The following PHACTR3 variants were observed in gnomAD, a reference collection of about 807,000 sequenced individuals.
PHACTR3 encodes phosphatase and actin regulator 3.
PHACTR3 carries 16 observed loss-of-function variants against 66.8 expected under a neutral mutation model. The ratio of observed to expected loss-of-function variants is 0.24; its 90% confidence interval spans 0.16 to 0.36. The LOEUF (loss-of-function observed/expected upper bound fraction) is 0.36. Among genes scored for constraint, PHACTR3 ranks in the 10% least tolerant of loss-of-function variants. The probability of loss-of-function intolerance (pLI) is 1.00; values close to 1 mark genes in which losing one functional copy is unlikely to be tolerated. For missense variants in PHACTR3, 647 were observed against 719.9 expected (o/e 0.90, Z 1.16); for synonymous variants, 323 against 292.1 (o/e 1.11, Z -1.08).
At chr20:59,614,468 C>T (rs553382052) in intron 1 of PHACTR3, among the ~76,000 whole-genome samples, 2 of 152,126 alleles carry the variant, frequency 1.3e-5, no homozygotes, top group South Asian at 2.1e-4. Context: ...TAAAGCAAGT[C>T]GGTTGGATGG....
intron 1 of PHACTR3, among the ~76,000 whole-genome samples, chr20:59,683,726 C>T (rs557450649): frequency 6.6e-6 from 1 of 152,218 alleles, no homozygotes; most frequent in Admixed American, 6.5e-5. Context: ...GTCATAATAC[C>T]AAACTAAGAC....
Position 59,799,868 on chromosome 20 carries a change from T to C in PHACTR3, c.1175-6173T>C, listed in dbSNP as rs918049791. On this transcript the variant is annotated intron_variant, in intron 7 of 12. Transcript: ENST00000371015. ...TTTCTATTTGTTCCATCTAGTTTTT[T>C]CCATCTTTTCTATCTTTCTGCTTTC... is the stretch of plus-strand genomic sequence containing the variant. Among the ~76,000 whole-genome samples the C allele has an allele frequency of 5.3e-5, 8 of 152,190 alleles. No homozygotes were observed. The East Asian group carries it at 5.8e-4, about 11-fold the overall frequency.
chr20:59,761,322 T>C (rs975845725), intron 4 of PHACTR3, among the ~76,000 whole-genome samples: 1 of 152,080 alleles, frequency 6.6e-6, no homozygotes, highest in Non-Finnish European at 1.5e-5. Context: ...GCCTGGGCTC[T>C]GGGCAACTGC....
chr20:59,809,181 C>T (rs1412140397), intron 8 of PHACTR3, among the ~76,000 whole-genome samples: 7 of 152,062 alleles, frequency 4.6e-5, no homozygotes, highest in South Asian at 2.1e-4. Flanking sequence ...AGTGTTTTCA[C>T]GGTGGAGGGC....
intron 1 of PHACTR3, among the ~76,000 whole-genome samples, chr20:59,668,704 T>A (rs764668652): frequency 2.0e-5 from 3 of 151,994 alleles, no homozygotes; most frequent in Admixed American, 1.3e-4. Context: ...TTTTAAAAAA[T>A]TATTACTTAC....
chr20:59,797,449 C>A (rs1446728349), intron 7 of PHACTR3, among the ~76,000 whole-genome samples: 1 of 151,936 alleles, frequency 6.6e-6, no homozygotes, highest in Non-Finnish European at 1.5e-5. Flanking sequence ...TATTGTGGTA[C>A]AATCACCTCT....
chr20:59,826,023 G>A (rs1303765426), intron 8 of PHACTR3, among the ~76,000 whole-genome samples: 1 of 152,192 alleles, frequency 6.6e-6, no homozygotes. Context: ...GAATCTGCTG[G>A]CACCTCAACC....
intron 7 of PHACTR3, among the ~76,000 whole-genome samples, chr20:59,801,855 A>T (rs546417401): frequency 6.6e-6 from 1 of 152,360 alleles, no homozygotes; most frequent in South Asian, 2.1e-4. Context: ...TGTGCTTGAG[A>T]ACATGATAAA....
chr20:59,712,308 G>A (rs1392915787), intron 1 of PHACTR3, among the ~76,000 whole-genome samples: 2 of 152,082 alleles, frequency 1.3e-5, no homozygotes, highest in Non-Finnish European at 2.9e-5. Context: ...TTTTCCCATT[G>A]GCTTATGGTG....
chr20:59,762,609 T>C (rs1303020283), intron 4 of PHACTR3, among the ~76,000 whole-genome samples: 1 of 152,098 alleles, frequency 6.6e-6, no homozygotes, highest in Non-Finnish European at 1.5e-5. Context: ...GCAGATGTAG[T>C]TTGGATTGGC....
At chr20:59,847,073 A>G (rs1474441122) in intron 12 of PHACTR3, 42 bp from the exon 13 acceptor site, 2 of 1,414,808 alleles carry the variant, frequency 1.4e-6, no homozygotes, top group African/African-American at 2.8e-5. Flanking sequence ...AACTGCTAGA[A>G]ATGAATAACC....
At chr20:59,716,417 T>A (rs1174964264) in intron 1 of PHACTR3, among the ~76,000 whole-genome samples, 1 of 152,034 alleles carries the variant, frequency 6.6e-6, no homozygotes, top group Non-Finnish European at 1.5e-5. Flanking sequence ...CATACCTGTC[T>A]AATTTTCATA....
At position 59,771,241 on chromosome 20, in the gene PHACTR3, A is replaced by G. The variant is rs117849855; in HGVS notation, c.752-2038A>G. On this transcript the variant is annotated intron_variant, in intron 5 of 12. Coordinates refer to ENST00000371015, the MANE Select transcript of PHACTR3 (RefSeq NM_080672.5). ...ATTCCTTCCTCATGGGGCTGGGGTG[A>G]GAAGTAGAGGCAATGATGGTTAGAG... is the stretch of plus-strand genomic sequence containing the variant. Among the ~76,000 whole-genome samples the G allele has an allele frequency of 7.7e-3, 1,178 of 152,178 alleles. 10 individuals carry two copies. The highest frequency in any genetic ancestry group is 0.027 in the Middle Eastern group (8 of 294).
chr20:59,675,394 G>A (rs1293218888), intron 1 of PHACTR3, among the ~76,000 whole-genome samples: 1 of 152,124 alleles, frequency 6.6e-6, no homozygotes, highest in Non-Finnish European at 1.5e-5. Context: ...TCTGAGTCCA[G>A]CTCCTCCATC....
intron 1 of PHACTR3, among the ~76,000 whole-genome samples, chr20:59,655,498 G>T (rs1280295325): frequency 6.6e-6 from 1 of 151,670 alleles, no homozygotes; most frequent in Non-Finnish European, 1.5e-5. Context: ...GGTAGTGTTG[G>T]CCCCTTTTAC....
At chr20:59,818,098 G>T (rs1281173751) in intron 8 of PHACTR3, among the ~76,000 whole-genome samples, 1 of 152,208 alleles carries the variant, frequency 6.6e-6, no homozygotes, top group African/African-American at 2.4e-5. Flanking sequence ...GGGGGCCCTT[G>T]TGTGCGGCCC....
chr20:59,674,396 CTCCTTCTCCTGTTCCTT>C (rs1283842179), intron 1 of PHACTR3, among the ~76,000 whole-genome samples: 5 of 144,328 alleles, frequency 3.5e-5, no homozygotes, highest in African/African-American at 1.4e-4. Context: ...TCTCCTGTTC[CTCCTTCTCCTGTTCCTT>C]CCCCTTCTCC....
At chr20:59,749,512 C>T (rs550282587) in intron 3 of PHACTR3, among the ~76,000 whole-genome samples, 1 of 152,100 alleles carries the variant, frequency 6.6e-6, no homozygotes, top group Non-Finnish European at 1.5e-5. Context: ...CAGTGTGGCT[C>T]TCACCCTGCT....
intron 8 of PHACTR3, among the ~76,000 whole-genome samples, chr20:59,827,447 G>A (rs2042225059): frequency 1.3e-5 from 2 of 152,320 alleles, no homozygotes; most frequent in South Asian, 2.1e-4. Context: ...ACAGAGCCAG[G>A]CTGACAAAAC....
Sources: gnomAD v4.1 joint callset for allele counts (sites outside exome capture counted in the v4.1 genomes callset) on GRCh38, gnomAD v4.1.1 for gene constraint, MANE v1.5 for transcripts, NCBI Gene and HGNC (gene_info 2026-07-23, HGNC 2026-07-21) for gene names.